Variants in LTBP1 observed in about 807,000 individuals in gnomAD.
The protein encoded by LTBP1 is latent-transforming growth factor beta-binding protein 1.
A neutral mutation model predicts 207.6 loss-of-function variants in LTBP1; 129 were observed. That is an observed-to-expected ratio of 0.62 (90% CI 0.54 to 0.72). The LOEUF (loss-of-function observed/expected upper bound fraction) is 0.72. Among genes scored for constraint, LTBP1 ranks in the 30% least tolerant of loss-of-function variants. The probability of loss-of-function intolerance (pLI) is 0.00; values close to 1 mark genes in which losing one functional copy is unlikely to be tolerated. For synonymous variants in LTBP1, 963 were observed against 833.7 expected, an observed-to-expected ratio of 1.16 and a Z score of -2.67; for missense variants, 2,281 against 2,217.2, an observed-to-expected ratio of 1.03 and a Z score of -0.58.
intron 9 of LTBP1, among the ~76,000 whole-genome samples, chr2:33,227,606 C>T (rs1010101476): frequency 6.6e-6 from 1 of 152,086 alleles, no homozygotes; most frequent in African/African-American, 2.4e-5. Context: ...AGGATTTCCT[C>T]TTACTCTGTG....
chr2:33,172,221 T>G (rs922951439), intron 5 of LTBP1, among the ~76,000 whole-genome samples: 23 of 151,526 alleles, frequency 1.5e-4, no homozygotes, highest in Non-Finnish European at 2.8e-4. Context: ...GCAAATTGGA[T>G]AGTCAAGACC....
At chr2:32,948,087 CCTT>C (rs147888211) in intron 1 of LTBP1, among the ~76,000 whole-genome samples, 14,038 of 152,282 alleles carry the variant, frequency 0.092, 841 homozygotes, top group Middle Eastern at 0.18. Context: ...TGGGGCGTAA[CCTT>C]CTGCGCGCAA....
intron 18 of LTBP1, among the ~76,000 whole-genome samples, chr2:33,277,864 C>CT (rs1245464880): frequency 3.3e-5 from 4 of 119,594 alleles, no homozygotes; most frequent in African/African-American, 1.4e-4. Flanking sequence ...CAGTCTTGCT[C>CT]TGTCGCCCAG....
intron 3 of LTBP1, among the ~76,000 whole-genome samples, chr2:33,025,554 T>TA (rs1402044062): frequency 2.0e-5 from 3 of 152,128 alleles, no homozygotes; most frequent in Non-Finnish European, 4.4e-5. Flanking sequence ...AAACTGCTAA[T>TA]AAAAGAAAAA....
At chr2:33,053,720 G>A (rs914519447) in intron 3 of LTBP1, among the ~76,000 whole-genome samples, 1 of 152,154 alleles carries the variant, frequency 6.6e-6, no homozygotes, top group African/African-American at 2.4e-5. Context: ...TGAGGGCCCT[G>A]GTCCCTCTGG....
intron 24 of LTBP1, among the ~76,000 whole-genome samples, chr2:33,332,341 C>A (rs1174308719): frequency 5.0e-5 from 6 of 118,860 alleles, no homozygotes; most frequent in African/African-American, 1.9e-4. Context: ...GAGGCCAGGC[C>A]AGCCTGGTTG....
At chr2:33,200,563 T>C (rs1256815714) in intron 7 of LTBP1, among the ~76,000 whole-genome samples, 1 of 152,148 alleles carries the variant, frequency 6.6e-6, no homozygotes, top group Non-Finnish European at 1.5e-5. Flanking sequence ...GACATAGGCT[T>C]GGGCAAGGAC....
At chr2:33,389,391 A>G in intron 32 of LTBP1, 85 bp downstream of exon 32, 3 of 1,556,770 alleles carry the variant, frequency 1.9e-6, no homozygotes, top group Non-Finnish European at 2.6e-6. Flanking sequence ...GCAACTTGTT[A>G]GCAATGCAGC....
At chr2:33,234,828 A>C (rs1479109250) in intron 9 of LTBP1, among the ~76,000 whole-genome samples, 1 of 152,060 alleles carries the variant, frequency 6.6e-6, no homozygotes, top group Non-Finnish European at 1.5e-5. Flanking sequence ...ACTGTACTAC[A>C]AGGCTACAGT....
chr2:33,067,710 G>T (rs1057313199), intron 3 of LTBP1, among the ~76,000 whole-genome samples: 2 of 152,146 alleles, frequency 1.3e-5, no homozygotes, highest in African/African-American at 4.8e-5. Flanking sequence ...GATATGCATA[G>T]ATTAGAAGCA....
Position 33,147,405 on chromosome 2 carries a change from A to G in LTBP1, c.1201+12445A>G, listed in dbSNP as rs1439020622. Among the ~76,000 whole-genome samples the G allele has an allele frequency of 7.9e-5, 12 of 152,242 alleles. No homozygotes were observed. In the East Asian group the frequency reaches 2.3e-3, roughly 29 times the overall value. Reference sequence around the variant, plus strand: ...GCCTGAGATTCTGCATTTCTACCACATGCTCTGAGGATGCTGTGCTGCCCA... The same window carrying G: ...GCCTGAGATTCTGCATTTCTACCACGTGCTCTGAGGATGCTGTGCTGCCCA... On this transcript the variant is annotated intron_variant, in intron 5 of 33. Coordinates refer to ENST00000404816, the MANE Select transcript of LTBP1 (RefSeq NM_206943.4).
At position 32,947,390 on chromosome 2, in the gene LTBP1, C is replaced by T. The variant is rs1418995694; in HGVS notation, c.66C>T (p.His22=). The T allele has an allele frequency of 1.4e-6, 2 of 1,397,868 alleles. No individual in the cohort carries two copies. The highest frequency in any genetic ancestry group is 1.9e-6 in the Non-Finnish European group (2 of 1,076,350). The allele number at this position is 1,397,868 out of a possible 1,614,324, so 86.6% of individuals were successfully genotyped here. A position where few individuals can be genotyped will look rare whatever the true frequency, so the allele number is the denominator to read the frequency against. ...LWAGLLASSA[H]GRLRRITYVV... The stretch of plus-strand genomic sequence containing the variant: ...CAGGGCTCCTCGCGTCCTCGGCGCA[C>T]GGCCGGCTGCGGAGGATCACCTACG... Residue 22 remains histidine (H), a synonymous_variant, in exon 1 of 34, where the codon CAC becomes CAT. Transcript: ENST00000404816.
At chr2:33,387,176 T>C (rs1317000379) in intron 31 of LTBP1, among the ~76,000 whole-genome samples, 1 of 152,214 alleles carries the variant, frequency 6.6e-6, no homozygotes, top group African/African-American at 2.4e-5. Flanking sequence ...ATCACAACTG[T>C]GGCTTCAATA....
chr2:33,352,786 C>T (rs1359821304), intron 26 of LTBP1, among the ~76,000 whole-genome samples: 1 of 152,132 alleles, frequency 6.6e-6, no homozygotes, highest in Non-Finnish European at 1.5e-5. Context: ...ATTAGCAGGG[C>T]AGCAATACCC....
chr2:33,248,714 G>A (rs1558881950), intron 10 of LTBP1, among the ~76,000 whole-genome samples: 1 of 151,940 alleles, frequency 6.6e-6, no homozygotes, highest in African/African-American at 2.4e-5. Context: ...AGCCTCCTGA[G>A]TAGCTGGGAT....
chr2:33,266,198 AC>A (rs1317632257), intron 15 of LTBP1, among the ~76,000 whole-genome samples: 1 of 152,180 alleles, frequency 6.6e-6, no homozygotes, highest in Non-Finnish European at 1.5e-5. Flanking sequence ...TGCTATTGCA[AC>A]CCAGCCAGTT....
intron 7 of LTBP1, among the ~76,000 whole-genome samples, chr2:33,205,346 C>T (rs1235009507): frequency 4.6e-5 from 7 of 152,190 alleles, no homozygotes; most frequent in African/African-American, 9.7e-5. Context: ...CACCAGCTTG[C>T]GCTTTTTATA....
intron 7 of LTBP1, among the ~76,000 whole-genome samples, chr2:33,196,368 G>A (rs1573106533): frequency 1.3e-5 from 2 of 152,080 alleles, no homozygotes; most frequent in Non-Finnish European, 2.9e-5. Flanking sequence ...TTTTAAAGCC[G>A]AATTTAAAAG....
At chr2:32,985,406 G>C (rs1291981273) in intron 2 of LTBP1, among the ~76,000 whole-genome samples, 1 of 152,150 alleles carries the variant, frequency 6.6e-6, no homozygotes, top group African/African-American at 2.4e-5. Flanking sequence ...GTTTAGAGAG[G>C]ATAAATTCTC....
Sources: gnomAD v4.1 joint callset for allele counts (sites outside exome capture counted in the v4.1 genomes callset) on GRCh38, gnomAD v4.1.1 for gene constraint, MANE v1.5 for transcripts, NCBI Gene and HGNC (gene_info 2026-07-23, HGNC 2026-07-21) for gene names.